The following LYPD6B variants were observed in gnomAD, a reference collection of about 807,000 sequenced individuals.
The protein encoded by LYPD6B is ly6/PLAUR domain-containing protein 6B.
Under a neutral mutation model 22.8 loss-of-function variants are expected in LYPD6B, and 17 were observed. That is an observed-to-expected ratio of 0.75 (90% CI 0.51 to 1.12). The LOEUF (loss-of-function observed/expected upper bound fraction) is 1.12, where lower values mean the gene tolerates loss of function less well. LYPD6B is among the 50% of genes most tolerant of loss of function. LYPD6B has a pLI of 0.00. For synonymous variants in LYPD6B, 106 were observed against 91.6 expected, an observed-to-expected ratio of 1.16 and a Z score of -0.90; for missense variants, 221 against 258.3, an observed-to-expected ratio of 0.86 and a Z score of 0.99.
chr2:149,116,355 G>T (rs7425814), intron 1 of LYPD6B, among the ~76,000 whole-genome samples: 100,530 of 152,020 alleles, frequency 0.66, 33,516 homozygotes, highest in East Asian at 0.92. Context: ...CTGACAAAGA[G>T]AGGGGAGATC....
At chr2:149,174,418 A>G (rs529259490) in intron 3 of LYPD6B, among the ~76,000 whole-genome samples, 5 of 152,240 alleles carry the variant, frequency 3.3e-5, no homozygotes, top group Non-Finnish European at 7.4e-5. Context: ...TTCCAATACT[A>G]TGTTAAATAG....
At chr2:149,108,649 C>A (rs572076024) in intron 1 of LYPD6B, among the ~76,000 whole-genome samples, 2 of 152,268 alleles carry the variant, frequency 1.3e-5, no homozygotes, top group East Asian at 3.9e-4. Flanking sequence ...AGTTAGCTGA[C>A]AACTTTTGAC....
chr2:149,068,643 C>A, intron 1 of LYPD6B: 1 of 517,164 alleles, frequency 1.9e-6, no homozygotes, highest in South Asian at 1.5e-5. Context: ...ATTATAGCTC[C>A]AGAAAATTCA....
At chr2:149,108,677 G>A (rs1263881060) in intron 1 of LYPD6B, among the ~76,000 whole-genome samples, 1 of 152,166 alleles carries the variant, frequency 6.6e-6, no homozygotes, top group African/African-American at 2.4e-5. Context: ...ACAGGTGTTA[G>A]AACACATATT....
intron 2 of LYPD6B, among the ~76,000 whole-genome samples, chr2:149,134,217 A>G (rs908609780): frequency 2.0e-5 from 3 of 152,140 alleles, no homozygotes; most frequent in Non-Finnish European, 4.4e-5. Flanking sequence ...GCTTATCCCT[A>G]TGCTCTTCTC....
rs1692112724 is a variant in LYPD6B, at chr2:149,186,479, C to G, written c.78-18774C>G. ...GGTTCATGAGGATGAAGGAAAGAAGCCATGCCCATAACATAAAAGTGCAAG... is the reference window on the plus strand; with the variant it reads ...GGTTCATGAGGATGAAGGAAAGAAGGCATGCCCATAACATAAAAGTGCAAG... On this transcript the variant is annotated intron_variant, in intron 3 of 6. Transcript: ENST00000409642. Among the ~76,000 whole-genome samples, 4 of 152,276 alleles carry G rather than the reference C, an allele frequency of 2.6e-5. No homozygotes were observed. The South Asian group carries it at 8.3e-4, about 32-fold the overall frequency.
chr2:149,213,267 C>G (rs1693991232), intron 6 of LYPD6B, 145 bp downstream of exon 6: 1 of 1,086,478 alleles, frequency 9.2e-7, no homozygotes, highest in South Asian at 1.6e-5. Flanking sequence ...AAATGGAGAC[C>G]AAAGAACAGA....
chr2:149,136,021 G>A (rs187090031), intron 2 of LYPD6B, among the ~76,000 whole-genome samples: 1 of 152,190 alleles, frequency 6.6e-6, no homozygotes, highest in African/African-American at 2.4e-5. Context: ...CTTTCTGGAG[G>A]GCTGACACTG....
At chr2:149,188,594 A>T in intron 3 of LYPD6B, 1 of 432,452 alleles carries the variant, frequency 2.3e-6, no homozygotes, top group Non-Finnish European at 3.1e-6. Context: ...AGGATTATGT[A>T]AATCACTCAA....
intron 3 of LYPD6B, among the ~76,000 whole-genome samples, chr2:149,204,009 C>T (rs1447448698): frequency 6.6e-6 from 1 of 152,296 alleles, no homozygotes; most frequent in South Asian, 2.1e-4. Flanking sequence ...AACCTTTTTC[C>T]TTTGAAATAT....
At chr2:149,146,863 C>G (rs1402155299) in intron 2 of LYPD6B, among the ~76,000 whole-genome samples, 1 of 152,218 alleles carries the variant, frequency 6.6e-6, no homozygotes, top group Admixed American at 6.5e-5. Flanking sequence ...ATTTCAAACA[C>G]TGTAGAATCT....
chr2:149,144,880 AT>A (rs1688920110), intron 2 of LYPD6B, among the ~76,000 whole-genome samples: 1 of 152,106 alleles, frequency 6.6e-6, no homozygotes, highest in African/African-American at 2.4e-5. Context: ...CCTGATTTGT[AT>A]TGAATTTGTT....
chr2:149,117,887 A>G (rs1050034957), intron 1 of LYPD6B, among the ~76,000 whole-genome samples: 4 of 152,184 alleles, frequency 2.6e-5, no homozygotes, highest in African/African-American at 4.8e-5. Context: ...TTGGCTGGGC[A>G]GTTCTGGATT....
chr2:149,150,095 A>G (rs764864631), intron 2 of LYPD6B, among the ~76,000 whole-genome samples: 1 of 151,728 alleles, frequency 6.6e-6, no homozygotes, highest in Admixed American at 6.6e-5. Context: ...GTGATCACCT[A>G]CTCCCTTCTT....
chr2:149,076,898 C>T (rs893070700), intron 1 of LYPD6B, among the ~76,000 whole-genome samples: 1 of 152,142 alleles, frequency 6.6e-6, no homozygotes, highest in Non-Finnish European at 1.5e-5. Flanking sequence ...AATTCCTTGG[C>T]TGTGTAGTGC....
chr2:149,211,178 G>A lies in LYPD6B; in HGVS notation c.329-1814G>A, dbSNP rs149401307. 1.3e-4 allele frequency among the ~76,000 whole-genome samples: 20 copies of A among 152,188 alleles called. No individual in the cohort carries two copies. In the East Asian group the frequency reaches 3.9e-3, roughly 29 times the overall value. On this transcript the variant is annotated intron_variant, in intron 5 of 6. Transcript: ENST00000409642. ...TCACAAGAACAGCACTAAGGGGATG[G>A]CACTAAACCATTCATGAAGGATCCA...
intron 3 of LYPD6B, among the ~76,000 whole-genome samples, chr2:149,201,364 G>T (rs1347167234): frequency 1.3e-5 from 2 of 152,150 alleles, no homozygotes; most frequent in African/African-American, 4.8e-5. Context: ...CCATATAAAA[G>T]ATTTCTCCCC....
chr2:149,199,500 C>G (rs1421841598), intron 3 of LYPD6B, among the ~76,000 whole-genome samples: 1 of 152,174 alleles, frequency 6.6e-6, no homozygotes, highest in Non-Finnish European at 1.5e-5. Context: ...TATAATTGCA[C>G]TACTTTCAAG....
In LYPD6B at chr2:149,075,881, T is replaced by C. The variant is rs79407138; in HGVS notation, c.-67+37080T>C. Among the ~76,000 whole-genome samples the C allele has an allele frequency of 5.9e-5, 9 of 152,354 alleles. No individual in the cohort carries two copies. In the East Asian group the frequency reaches 1.7e-3, roughly 29 times the overall value. ...TGTTAGCAGAATACTTTTCTGCTTG[T>C]GTTCGGCAGTGTTGGTGGATGAGTA... On this transcript the variant is annotated intron_variant, in intron 1 of 6. Transcript: ENST00000409642.
Sources: gnomAD v4.1 joint callset for allele counts (sites outside exome capture counted in the v4.1 genomes callset) on GRCh38, gnomAD v4.1.1 for gene constraint, MANE v1.5 for transcripts, NCBI Gene and HGNC (gene_info 2026-07-23, HGNC 2026-07-21) for gene names.